The following PAAF1 variants were observed in gnomAD, a reference collection of about 807,000 sequenced individuals.
The protein encoded by PAAF1 is proteasomal ATPase associated factor 1, also known as proteasomal ATPase-associated factor 1.
PAAF1 carries 46 observed loss-of-function variants against 52.8 expected under a neutral mutation model. That is an observed-to-expected ratio of 0.87 (90% confidence interval 0.69 to 1.11). The LOEUF is 1.11. Among genes scored for constraint, PAAF1 ranks in the 50% most tolerant of loss-of-function variants. PAAF1 has a pLI of 0.00. For synonymous variants in PAAF1, 178 were observed against 172.8 expected (o/e 1.03, Z -0.24); for missense variants, 424 against 477.4 (o/e 0.89, Z 1.04).
At chr11:73,890,063 A>G (rs1420948583) in intron 3 of PAAF1, among the ~76,000 whole-genome samples, 1 of 152,170 alleles carries the variant, frequency 6.6e-6, no homozygotes, top group Non-Finnish European at 1.5e-5. Context: ...TATTGAAGAC[A>G]TTTTCATTGT....
chr11:73,912,326 G>A (rs1040891365), intron 7 of PAAF1, among the ~76,000 whole-genome samples: 2 of 152,098 alleles, frequency 1.3e-5, no homozygotes, highest in Non-Finnish European at 2.9e-5. Context: ...GTCTAACAAG[G>A]AGTGTTTGAT....
intron 7 of PAAF1, among the ~76,000 whole-genome samples, chr11:73,912,479 A>G (rs1405308836): frequency 1.3e-5 from 2 of 151,806 alleles, no homozygotes; most frequent in African/African-American, 4.8e-5. Context: ...TATCATCTCT[A>G]ACTTCAAAGT....
chr11:73,883,582 C>T (rs995834931), intron 2 of PAAF1, among the ~76,000 whole-genome samples: 2 of 151,736 alleles, frequency 1.3e-5, no homozygotes, highest in African/African-American at 4.8e-5. Flanking sequence ...GGCACAATCT[C>T]GGCTCCTCAC....
chr11:73,897,955 C>T (rs575302952), intron 4 of PAAF1, among the ~76,000 whole-genome samples: 19 of 152,226 alleles, frequency 1.2e-4, no homozygotes, highest in African/African-American at 4.6e-4. Context: ...CCGAGGCTGG[C>T]GGATCACTCA....
chr11:73,914,213 A>G (rs1345867203), intron 7 of PAAF1, among the ~76,000 whole-genome samples, 200 bp from the exon 8 acceptor site: 1 of 152,250 alleles, frequency 6.6e-6, no homozygotes, highest in Non-Finnish European at 1.5e-5. Context: ...AGTATTTTTA[A>G]TTGTATAGTT....
At chr11:73,909,616 C>G (rs1319568433) in intron 7 of PAAF1, 23 bp downstream of exon 7, 10 of 1,606,256 alleles carry the variant, frequency 6.2e-6, no homozygotes, top group Non-Finnish European at 8.5e-6. Flanking sequence ...TGATATGTAG[C>G]ATTGTTTTAT....
At position 73,899,171 on chromosome 11, in the gene PAAF1, G is replaced by C; in HGVS notation, c.308G>C (p.Arg103Thr). The C allele has an allele frequency of 6.2e-7, 1 of 1,614,060 alleles. No homozygotes were observed. ...ATAACATGCCTGGACATTTCCAGCA[G>C]AGGAGGTCTTGGTGTGTCTTCTAGT... ...KSITCLDISS[R>T]GGLGVSSSTD... Residue 103 changes from arginine (R) to threonine (T), a missense_variant, in exon 5 of 12, where the codon AGA (arginine) becomes ACA (threonine). Coordinates refer to ENST00000310571, the MANE Select transcript of PAAF1 (RefSeq NM_025155.3).
At chr11:73,918,537 C>T (rs377643711) in intron 9 of PAAF1, among the ~76,000 whole-genome samples, 12 of 149,324 alleles carry the variant, frequency 8.0e-5, no homozygotes, top group South Asian at 2.1e-4. Context: ...AGTGCAGTGG[C>T]GCGATCTCGG....
intron 6 of PAAF1, among the ~76,000 whole-genome samples, chr11:73,906,497 C>T (rs1033241911): frequency 6.6e-6 from 1 of 152,102 alleles, no homozygotes; most frequent in Non-Finnish European, 1.5e-5. Flanking sequence ...GTGATCTGCC[C>T]GCCTCAGACT....
intron 5 of PAAF1, among the ~76,000 whole-genome samples, 185 bp from the exon 6 acceptor site, chr11:73,900,085 C>T (rs1217080678): frequency 6.6e-6 from 1 of 151,218 alleles, no homozygotes; most frequent in Admixed American, 6.6e-5. Flanking sequence ...TTCGAGGAAA[C>T]ACCTTTTAGA....
intron 3 of PAAF1, chr11:73,889,000 C>A (rs1949132880): frequency 2.0e-6 from 1 of 497,666 alleles, no homozygotes; most frequent in Non-Finnish European, 3.6e-6. Flanking sequence ...TGCAGATAAG[C>A]AAACCAACTC....
intron 4 of PAAF1, among the ~76,000 whole-genome samples, chr11:73,894,884 T>C (rs1039545974): frequency 6.6e-6 from 1 of 152,138 alleles, no homozygotes; most frequent in African/African-American, 2.4e-5. Flanking sequence ...CTCGAGAGGC[T>C]GGGATGGAAG....
At chr11:73,909,158 C>A (rs542753681) in intron 6 of PAAF1, among the ~76,000 whole-genome samples, 121 of 152,314 alleles carry the variant, frequency 7.9e-4, no homozygotes, top group African/African-American at 2.8e-3. Flanking sequence ...CTCTAGCACA[C>A]TCCACTAAAA....
chr11:73,908,814 CG>C (rs1311883031), intron 6 of PAAF1, among the ~76,000 whole-genome samples: 1 of 151,762 alleles, frequency 6.6e-6, no homozygotes, highest in African/African-American at 2.4e-5. Flanking sequence ...TTTTTTGAGA[CG>C]GAGTCTCCTC....
intron 10 of PAAF1, chr11:73,922,346 C>A: frequency 1.8e-5 from 6 of 337,610 alleles, no homozygotes; most frequent in Admixed American, 4.0e-5. Flanking sequence ...AAAACTAAGA[C>A]CAATAAGAGA....
intron 6 of PAAF1, among the ~76,000 whole-genome samples, chr11:73,903,321 G>A (rs746651103): frequency 3.3e-5 from 5 of 152,288 alleles, no homozygotes; most frequent in East Asian, 1.9e-4. Context: ...GCTTAACAGC[G>A]TATATATAGA....
chr11:73,876,809 G>A (rs1322906999), upstream of PAAF1: 2 of 436,958 alleles, frequency 4.6e-6, no homozygotes, highest in South Asian at 1.3e-4. Flanking sequence ...GGCGGCTTGG[G>A]TTTCGCAGGC....
At chr11:73,903,221 C>T (rs1949671278) in intron 6 of PAAF1, among the ~76,000 whole-genome samples, 1 of 152,206 alleles carries the variant, frequency 6.6e-6, no homozygotes, top group South Asian at 2.1e-4. Context: ...GTCACAAAGG[C>T]TCCTTTCCAG....
At chr11:73,891,013 G>A (rs1949185153) in intron 3 of PAAF1, 99 bp from the exon 4 acceptor site, 1 of 710,510 alleles carries the variant, frequency 1.4e-6, no homozygotes, top group Non-Finnish European at 2.4e-6. Flanking sequence ...CTGAGAAGAT[G>A]AGAATGTCCT....
Sources: allele counts gnomAD v4.1 joint callset (sites outside exome capture counted in the v4.1 genomes callset), GRCh38; gene constraint gnomAD v4.1.1; transcripts MANE v1.5; gene names NCBI Gene and HGNC (gene_info 2026-07-23, HGNC 2026-07-21).